The following PDE10A variants were observed in gnomAD, a reference collection of about 807,000 sequenced individuals.
The protein encoded by PDE10A is phosphodiesterase 10A.
A neutral mutation model predicts 97.7 loss-of-function variants in PDE10A; 39 were observed. That is an observed-to-expected ratio of 0.40 (90% CI 0.31 to 0.52). The LOEUF is 0.52. PDE10A is among the 20% of genes least tolerant of loss of function. The pLI, the probability that PDE10A is intolerant of heterozygous loss-of-function variation, is 0.56. For synonymous variants in PDE10A, 371 were observed against 376.8 expected (o/e 0.98, Z 0.18); for missense variants, 731 against 1,047.8 (o/e 0.70, Z 4.17).
chr6:165,893,459 A>G (rs80333044), intron 1 of PDE10A, among the ~76,000 whole-genome samples: 6,015 of 152,312 alleles, frequency 0.039, 405 homozygotes, highest in African/African-American at 0.14. Context: ...TTTAACCAGA[A>G]TGTGAATATA....
intron 1 of PDE10A, among the ~76,000 whole-genome samples, chr6:165,895,111 C>T (rs1171905066): frequency 6.6e-6 from 1 of 152,192 alleles, no homozygotes; most frequent in Non-Finnish European, 1.5e-5. Flanking sequence ...TATCCACTGT[C>T]CTCTTGTTGA....
chr6:165,528,094 T>A (rs1782557485), intron 2 of PDE10A, among the ~76,000 whole-genome samples: 1 of 152,212 alleles, frequency 6.6e-6, no homozygotes, highest in Admixed American at 6.5e-5. Context: ...ATTCATGGAC[T>A]GTAACCAACG....
chr6:165,454,638 G>T (rs1320991070), intron 3 of PDE10A, among the ~76,000 whole-genome samples: 1 of 152,092 alleles, frequency 6.6e-6, no homozygotes, highest in African/African-American at 2.4e-5. Context: ...GGATGATGCA[G>T]CAGGAAGGTC....
chr6:165,931,400 G>A (rs974274366), intron 1 of PDE10A, among the ~76,000 whole-genome samples: 3 of 152,236 alleles, frequency 2.0e-5, no homozygotes, highest in African/African-American at 7.2e-5. Flanking sequence ...GAATAAAGGG[G>A]CCATGGACTG....
intron 1 of PDE10A, among the ~76,000 whole-genome samples, chr6:165,605,442 G>A (rs1461799968): frequency 6.6e-6 from 1 of 152,166 alleles, no homozygotes; most frequent in Non-Finnish European, 1.5e-5. Flanking sequence ...GTTTCCTGTA[G>A]TTCCCAATGT....
At chr6:165,922,175 C>A (rs536880295) in intron 1 of PDE10A, among the ~76,000 whole-genome samples, 1 of 152,326 alleles carries the variant, frequency 6.6e-6, no homozygotes, top group East Asian at 1.9e-4. Context: ...GGATCTCCAT[C>A]ATCTGAGATG....
At chr6:165,942,894 T>C (rs1783580457) in intron 1 of PDE10A, among the ~76,000 whole-genome samples, 1 of 152,028 alleles carries the variant, frequency 6.6e-6, no homozygotes, top group Admixed American at 6.6e-5. Flanking sequence ...GATTGGTAAA[T>C]TAGGGAACAA....
Position 165,375,048 on chromosome 6 carries a change from G to GT in PDE10A, c.2783+4145dup, listed in dbSNP as rs370019327. On this transcript the variant is annotated intron_variant, in intron 18 of 21. Coordinates refer to ENST00000539869, the MANE Select transcript of PDE10A (RefSeq NM_001385079.1). ...ATTCAGACTGCTCCACCAACTGGCTGTTCCCCCATCTCCCTCCCTGTCCTT... is the reference window on the plus strand; with the variant it reads ...ATTCAGACTGCTCCACCAACTGGCTGTTTCCCCCATCTCCCTCCCTGTCCTT... Among the ~76,000 whole-genome samples, 19 of 152,196 alleles carry GT rather than the reference G, an allele frequency of 1.2e-4. 1 individual carries two copies. The highest frequency in any genetic ancestry group is 4.6e-4 in the African/African-American group (19 of 41,526).
intron 2 of PDE10A, among the ~76,000 whole-genome samples, chr6:165,508,107 G>A (rs62443782): frequency 0.12 from 18,319 of 151,920 alleles, 1,205 homozygotes; most frequent in South Asian, 0.18. Flanking sequence ...AAAACGACAC[G>A]TACATATTTA....
At chr6:165,873,674 A>T (rs1281663924) in intron 1 of PDE10A, among the ~76,000 whole-genome samples, 2 of 152,214 alleles carry the variant, frequency 1.3e-5, no homozygotes, top group African/African-American at 4.8e-5. Context: ...CTATCAAGGC[A>T]TATGTTTTTA....
At chr6:165,916,374 C>T (rs991946) in intron 1 of PDE10A, among the ~76,000 whole-genome samples, 71,665 of 152,088 alleles carry the variant, frequency 0.47, 17,008 homozygotes, top group African/African-American at 0.49. Flanking sequence ...CCTAGGGTAG[C>T]TCTTCCTTTC....
intron 1 of PDE10A, among the ~76,000 whole-genome samples, chr6:165,857,739 A>ATGTG (rs1780788060): frequency 1.4e-5 from 1 of 70,536 alleles, no homozygotes; most frequent in Non-Finnish European, 3.1e-5. Context: ...GTGTGTGTGA[A>ATGTG]GAATGATTGT....
chr6:165,347,650 A>G (rs1043516412), intron 18 of PDE10A, among the ~76,000 whole-genome samples: 2 of 152,218 alleles, frequency 1.3e-5, no homozygotes, highest in African/African-American at 4.8e-5. Context: ...AGTACCATAC[A>G]TAACTTTAAT....
intron 1 of PDE10A, among the ~76,000 whole-genome samples, chr6:165,743,408 C>T (rs951135044): frequency 6.6e-6 from 1 of 152,106 alleles, no homozygotes. Context: ...TTTATTTGGA[C>T]GTCACTGTTT....
At chr6:165,459,871 A>G (rs964335860) in intron 3 of PDE10A, among the ~76,000 whole-genome samples, 1 of 152,242 alleles carries the variant, frequency 6.6e-6, no homozygotes, top group African/African-American at 2.4e-5. Context: ...CTAAAAAAGA[A>G]TGTAGAAAAA....
At chr6:165,831,896 A>G (rs991619564) in intron 1 of PDE10A, among the ~76,000 whole-genome samples, 2 of 151,800 alleles carry the variant, frequency 1.3e-5, no homozygotes, top group Non-Finnish European at 2.9e-5. Flanking sequence ...GTGCTTCTCA[A>G]TTCTCCCCCT....
chr6:165,682,622 C>T (rs1791007483), intron 1 of PDE10A, among the ~76,000 whole-genome samples: 1 of 152,140 alleles, frequency 6.6e-6, no homozygotes, highest in Admixed American at 6.6e-5. Flanking sequence ...ATCTACGAAC[C>T]GGAAAGCCAG....
intron 1 of PDE10A, among the ~76,000 whole-genome samples, chr6:165,889,904 CTCCT>C (rs1200181636): frequency 4.6e-5 from 3 of 65,250 alleles, no homozygotes; most frequent in African/African-American, 9.5e-5. Flanking sequence ...CCCTCCCTCC[CTCCT>C]CCCTCCCTCA....
rs770788354 is a variant in PDE10A at position 165,435,332 on chromosome 6, G to A, written c.1240C>T (p.Arg414Cys). The A allele has an allele frequency of 1.9e-5, 31 of 1,613,850 alleles. No individual in the cohort carries two copies. Among genetic ancestry groups the A allele is most frequent in the Admixed American group, 5.0e-5 (3 of 59,988 alleles). The change falls in exon 6 of 22, where the codon CGC (arginine) becomes TGC (cysteine). Residue 414 changes from arginine (R) to cysteine (C), a missense_variant. Physicochemically the swap from Arg to Cys is radical, Grantham distance 180. Transcript: ENST00000539869. ...GTGATGGGCCCAGCAGGGATGAGGCGGGGTTTTCCTTCCTTTATCCCAGGT... is the reference window on the plus strand; with the variant it reads ...GTGATGGGCCCAGCAGGGATGAGGCAGGGTTTTCCTTCCTTTATCCCAGGT... ...TPPGIKEGKP[R>C]LIPAGPITQG... is the part of the protein sequence containing the mutation.
Sources: allele counts gnomAD v4.1 joint callset (sites outside exome capture counted in the v4.1 genomes callset), GRCh38; gene constraint gnomAD v4.1.1; transcripts MANE v1.5; gene names NCBI Gene and HGNC (gene_info 2026-07-23, HGNC 2026-07-21).